Variants in PRSS48 observed in about 807,000 individuals in gnomAD.
The protein encoded by PRSS48 is epidermis-specific serine protease-like protein.
PRSS48 carries 21 observed loss-of-function variants against 25.6 expected under a neutral mutation model. The ratio of observed to expected loss-of-function variants is 0.82; its 90% CI spans 0.58 to 1.18. The LOEUF is 1.18. PRSS48 is among the 50% of genes most tolerant of loss of function. The probability of loss-of-function intolerance (pLI) is 0.00; values close to 1 mark genes in which losing one functional copy is unlikely to be tolerated. For missense variants in PRSS48, 373 were observed against 399.3 expected (o/e 0.93, Z 0.56); for synonymous variants, 150 against 149.3 (o/e 1.00, Z -0.04).
At chr4:151,291,269 G>A (rs1397611319) in exon 5 of PRSS48, 5 of 1,613,842 alleles carry the variant, frequency 3.1e-6, no homozygotes, top group East Asian at 2.2e-5. Flanking sequence ...ACTATTTCAA[G>A]AGCCAACAAT....
At chr4:151,280,492 G>C (rs1294778023) in intron 2 of PRSS48, among the ~76,000 whole-genome samples, 1 of 152,192 alleles carries the variant, frequency 6.6e-6, no homozygotes, top group Non-Finnish European at 1.5e-5. Flanking sequence ...AGTCACACCT[G>C]ATTCCTGACC....
rs186613877 is a variant in PRSS48 at position 151,280,239 on chromosome 4, C to T, written c.215+281C>T. On this transcript the variant is annotated intron_variant, in intron 2 of 4. Transcript: ENST00000455694. ...TTTTGTCGTGTTTTTGGGTCATAAACACAATCTGAGCTCTAAGAGCCACTG... is the reference window on the plus strand; with the variant it reads ...TTTTGTCGTGTTTTTGGGTCATAAATACAATCTGAGCTCTAAGAGCCACTG... 6.6e-5 allele frequency among the ~76,000 whole-genome samples: 10 copies of T among 152,238 alleles called. No individual in the cohort carries two copies. In the South Asian group the frequency reaches 1.2e-3, roughly 19 times the overall value.
At chr4:151,280,775 G>GTGAGA (rs1467622157) in intron 2 of PRSS48, among the ~76,000 whole-genome samples, 1 of 151,640 alleles carries the variant, frequency 6.6e-6, no homozygotes, top group Non-Finnish European at 1.5e-5. Context: ...GGGCGACAGA[G>GTGAGA]TGAGACCCTG....
chr4:151,279,649 G>C (rs1399917857), intron 1 of PRSS48, 147 bp from the exon 2 acceptor site: 2 of 683,416 alleles, frequency 2.9e-6, no homozygotes. Flanking sequence ...AAGACTGCTG[G>C]GTGTGGAACC....
chr4:151,277,796 T>A (rs1157029969), intron 1 of PRSS48, among the ~76,000 whole-genome samples: 1 of 152,186 alleles, frequency 6.6e-6, no homozygotes, highest in Non-Finnish European at 1.5e-5. Flanking sequence ...ATCCCAGCAC[T>A]TTGGGATGCC....
chr4:151,281,972 C>T (rs932735927), intron 2 of PRSS48, among the ~76,000 whole-genome samples, 176 bp from the exon 3 acceptor site: 8 of 151,850 alleles, frequency 5.3e-5, no homozygotes, highest in Non-Finnish European at 8.8e-5. Context: ...CAGGGAAGGA[C>T]GGGGAGAAAG....
chr4:151,281,263 T>C (rs1395919765), intron 2 of PRSS48, among the ~76,000 whole-genome samples: 2 of 152,072 alleles, frequency 1.3e-5, no homozygotes, highest in African/African-American at 2.4e-5. Flanking sequence ...GTGATGGGTA[T>C]AAAGATAAAA....
intron 4 of PRSS48, among the ~76,000 whole-genome samples, chr4:151,283,923 T>C (rs1774493503): frequency 6.6e-6 from 1 of 152,226 alleles, no homozygotes; most frequent in Admixed American, 6.5e-5. Context: ...TCATAACTGA[T>C]GAAAAATCAG....
intron 3 of PRSS48, 45 bp downstream of exon 3, chr4:151,282,458 T>A: frequency 6.3e-7 from 1 of 1,599,512 alleles, no homozygotes; most frequent in Non-Finnish European, 8.6e-7. Context: ...GTCATCCTCT[T>A]GTACTCCAGA....
chr4:151,279,671 G>C (rs886688288), intron 1 of PRSS48, 125 bp from the exon 2 acceptor site: 1 of 821,132 alleles, frequency 1.2e-6, no homozygotes, highest in Non-Finnish European at 1.9e-6. Flanking sequence ...GAATAGGATG[G>C]AGTATGGTGT....
downstream of PRSS48, chr4:151,291,502 A>G (rs747806254): frequency 1.6e-4 from 206 of 1,326,188 alleles, 1 homozygote; most frequent in South Asian, 3.1e-4. Flanking sequence ...TTACAATTTG[A>G]AATGATTTTG....
At chr4:151,284,226 C>T (rs906736397) in intron 4 of PRSS48, among the ~76,000 whole-genome samples, 5 of 152,058 alleles carry the variant, frequency 3.3e-5, no homozygotes, top group African/African-American at 9.7e-5. Context: ...TAAGTTATAC[C>T]TTTTGGTATT....
chr4:151,291,426 A>G, exon 5 of PRSS48: 1 of 1,613,014 alleles, frequency 6.2e-7, no homozygotes, highest in Non-Finnish European at 8.5e-7. Flanking sequence ...AAGAGAATGC[A>G]TGGAGATTTA....
At chr4:151,291,178 G>A (rs749225781) in exon 5 of PRSS48, 42 of 1,613,846 alleles carry the variant, frequency 2.6e-5, no homozygotes, top group Non-Finnish European at 3.2e-5. Flanking sequence ...GACAGGAGTA[G>A]TAAGCTGGGG....
chr4:151,279,726 G>T, intron 1 of PRSS48, 70 bp from the exon 2 acceptor site: 2 of 1,447,878 alleles, frequency 1.4e-6, no homozygotes. Flanking sequence ...GTTTGGGAAT[G>T]ATGATAAGGT....
exon 3 of PRSS48, chr4:151,282,268 G>A (rs1292426006): frequency 1.2e-6 from 2 of 1,613,912 alleles, no homozygotes; most frequent in South Asian, 1.1e-5. Context: ...AAGATACAAC[G>A]GCAGACGTCG....
intron 4 of PRSS48, among the ~76,000 whole-genome samples, chr4:151,283,508 C>CTT (rs5862956): frequency 8.7e-5 from 11 of 126,522 alleles, no homozygotes; most frequent in African/African-American, 3.0e-4. Context: ...GGTCATTGGA[C>CTT]TTTTTTTTTT....
At chr4:151,281,392 C>T (rs1338261487) in intron 2 of PRSS48, among the ~76,000 whole-genome samples, 5 of 152,090 alleles carry the variant, frequency 3.3e-5, no homozygotes, top group Admixed American at 6.5e-5. Flanking sequence ...CAAGAACAAA[C>T]GCATTAAATA....
intron 4 of PRSS48, among the ~76,000 whole-genome samples, chr4:151,286,184 G>GAAAAAAAAAAAAAAAAAAAAAAA (rs56850648): frequency 1.2e-5 from 1 of 86,624 alleles, no homozygotes; most frequent in African/African-American, 4.7e-5. Context: ...CTGTCTTAAA[G>GAAAAAAAAAAAAAAAAAAAAAAA]AAAAAAAAAA....
Sources: allele counts gnomAD v4.1 joint callset (sites outside exome capture counted in the v4.1 genomes callset), GRCh38; gene constraint gnomAD v4.1.1; transcripts MANE v1.5; gene names NCBI Gene and HGNC (gene_info 2026-07-23, HGNC 2026-07-21).